CD48: variants seen among roughly 807,000 people sequenced by gnomAD.
CD48 encodes the protein CD48 antigen.
A neutral mutation model predicts 22.0 loss-of-function variants in CD48; 20 were observed. That is an observed-to-expected ratio of 0.91 (90% confidence interval 0.64 to 1.32). The LOEUF (loss-of-function observed/expected upper bound fraction) is 1.32, where lower values mean the gene tolerates loss of function less well. Among genes scored for constraint, CD48 ranks in the 40% most tolerant of loss-of-function variants. The pLI, the probability that CD48 is intolerant of heterozygous loss-of-function variation, is 0.00. For synonymous variants in CD48, 110 were observed against 110.1 expected (o/e 1.00, Z 0.01); for missense variants, 307 against 286.5 (o/e 1.07, Z -0.52).
Position 160,684,893 on chromosome 1 carries a change from C to G in CD48, c.379G>C (p.Val127Leu). 1 of 1,614,180 alleles carries G rather than the reference C, an allele frequency of 6.2e-7. No individual in the cohort carries two copies. The highest frequency in any genetic ancestry group is 2.2e-5 in the East Asian group (1 of 44,876). The part of the protein sequence containing the change: ...NEQEWKIKLQ[V>L]LDPVPKPVIK... ...TTTGGCTCCCCTGACTCACCAAGCACTTGCAGCTTGATCTTCCATTCTTGC... is the reference window on the plus strand; with the variant it reads ...TTTGGCTCCCCTGACTCACCAAGCAGTTGCAGCTTGATCTTCCATTCTTGC... Residue 127 changes from valine (V) to leucine (L), a missense_variant, in exon 2 of 4, where the codon GTG becomes CTG. Coordinates refer to ENST00000368046, the MANE Select transcript of CD48 (RefSeq NM_001778.4).
intron 3 of CD48, among the ~76,000 whole-genome samples, chr1:160,679,410 C>T (rs571091674): frequency 1.3e-5 from 2 of 152,260 alleles, no homozygotes; most frequent in South Asian, 4.1e-4. Context: ...GCATTGCTCC[C>T]CTACTCTGGA....
chr1:160,703,858 G>T (rs191105169), intron 1 of CD48, among the ~76,000 whole-genome samples: 6 of 152,198 alleles, frequency 3.9e-5, no homozygotes, highest in African/African-American at 1.4e-4. Context: ...AGGCCCTGGG[G>T]CAGGGATTTG....
In CD48 at chr1:160,679,076, G is replaced by C. The variant is rs1269282561; in HGVS notation, c.708C>G (p.Thr236=). ...CTCAGGTAAGTAACAGGCCAAGAAT[G>C]GTGGGCACCGTGACCACTAGCCAAC... ...IASWLVVTVP[T]ILGLLLT Residue 236 remains threonine, a synonymous_variant, in exon 4 of 4, where the codon ACC becomes ACG. Transcript: ENST00000368046. 6.2e-7 allele frequency: 1 copy of C among 1,613,856 alleles called. No homozygotes were observed. The highest frequency in any genetic ancestry group is 1.3e-5 in the African/African-American group (1 of 74,892).
At chr1:160,691,495 CGT>C (rs1166106691) in intron 1 of CD48, among the ~76,000 whole-genome samples, 1 of 152,144 alleles carries the variant, frequency 6.6e-6, no homozygotes, top group Non-Finnish European at 1.5e-5. Context: ...CCTTTGTTCA[CGT>C]GTTTGTCTGC....
intron 1 of CD48, among the ~76,000 whole-genome samples, chr1:160,705,118 A>G (rs1193179809): frequency 6.6e-6 from 1 of 152,194 alleles, no homozygotes; most frequent in Non-Finnish European, 1.5e-5. Context: ...TTCCAAAAAC[A>G]TTCTCAACCA....
intron 1 of CD48, among the ~76,000 whole-genome samples, chr1:160,704,005 G>A (rs1451316942): frequency 1.3e-5 from 2 of 152,074 alleles, no homozygotes; most frequent in Non-Finnish European, 2.9e-5. Context: ...TATTAATAAT[G>A]TCTTGTCCTG....
At chr1:160,701,042 C>T (rs1032431350) in intron 1 of CD48, among the ~76,000 whole-genome samples, 16 of 151,890 alleles carry the variant, frequency 1.1e-4, no homozygotes, top group African/African-American at 3.9e-4. Context: ...CAACATAAAG[C>T]TGGCAGATTG....
chr1:160,695,848 G>T (rs1375279102), intron 1 of CD48, among the ~76,000 whole-genome samples: 1 of 151,992 alleles, frequency 6.6e-6, no homozygotes, highest in Non-Finnish European at 1.5e-5. Flanking sequence ...ATTGTACTTG[G>T]ATCAAATAGC....
intron 2 of CD48, among the ~76,000 whole-genome samples, chr1:160,683,111 T>C (rs2102404827): frequency 6.6e-6 from 1 of 152,314 alleles, no homozygotes; most frequent in South Asian, 2.1e-4. Context: ...TTTCCTGGAC[T>C]TCCCCTATAT....
chr1:160,707,638 CT>C (rs1344318970), intron 1 of CD48, among the ~76,000 whole-genome samples: 3 of 152,124 alleles, frequency 2.0e-5, no homozygotes, highest in Non-Finnish European at 4.4e-5. Context: ...GAGGCACATG[CT>C]TTGCTGAGAG....
chr1:160,711,740 C>T lies in CD48; in HGVS notation c.24G>A (p.Ser8=), dbSNP rs775298206. MCSRGWD[S]CLALELLLLP... is the part of the protein sequence containing the mutation. ...GCAGTAGCAATTCCAGAGCCAGACA[C>T]GAATCCCAACCTCTGGAGCACATGC... is the stretch of plus-strand genomic sequence containing the variant. Residue 8 remains serine, a synonymous_variant, in exon 1 of 4, where the codon TCG becomes TCA. Transcript: ENST00000368046. 1.9e-5 allele frequency: 31 copies of T among 1,613,468 alleles called. No homozygotes were observed. The East Asian group carries it at 4.0e-4, about 21-fold the overall frequency.
intron 1 of CD48, among the ~76,000 whole-genome samples, chr1:160,706,453 T>C (rs552106500): frequency 6.6e-6 from 1 of 152,278 alleles, no homozygotes; most frequent in South Asian, 2.1e-4. Flanking sequence ...TAACCACCCA[T>C]GTGTAACAAT....
intron 2 of CD48, chr1:160,684,602 G>A (rs1051391331): frequency 2.1e-6 from 2 of 933,722 alleles, no homozygotes; most frequent in Non-Finnish European, 3.1e-6. Flanking sequence ...GTTGATCACA[G>A]GACAAAATGA....
At chr1:160,702,773 C>CA (rs1662675022) in intron 1 of CD48, among the ~76,000 whole-genome samples, 1 of 152,154 alleles carries the variant, frequency 6.6e-6, no homozygotes, top group South Asian at 2.1e-4. Context: ...CCAATGCCTT[C>CA]ACAAGCTTTA....
chr1:160,682,481 G>A (rs1486847371), intron 2 of CD48, among the ~76,000 whole-genome samples: 1 of 114,936 alleles, frequency 8.7e-6, no homozygotes, highest in Admixed American at 1.0e-4. Context: ...AAAGAAGAAA[G>A]AAAGGAAGAA....
chr1:160,680,855 C>T, intron 3 of CD48: 1 of 1,329,984 alleles, frequency 7.5e-7, no homozygotes, highest in Non-Finnish European at 9.6e-7. Context: ...CCCACTTGCC[C>T]TTCCTTCTCC....
At chr1:160,688,922 C>T (rs1027319357) in intron 1 of CD48, among the ~76,000 whole-genome samples, 1 of 152,096 alleles carries the variant, frequency 6.6e-6, no homozygotes, top group Non-Finnish European at 1.5e-5. Context: ...TATTACTAAA[C>T]CATATGAGTC....
At chr1:160,692,123 C>A (rs1197738174) in intron 1 of CD48, 2 of 153,214 alleles carry the variant, frequency 1.3e-5, no homozygotes, top group Admixed American at 1.3e-4. Flanking sequence ...AATATCATTC[C>A]ACTTACAGTA....
chr1:160,681,202 C>G lies in CD48; in HGVS notation c.652G>C (p.Ala218Pro), dbSNP rs778199720. The change falls in exon 3 of 4, where the codon GCC becomes CCC. Residue 218 changes from alanine to proline, a missense_variant and splice_region_variant. Coordinates refer to ENST00000368046, the MANE Select transcript of CD48 (RefSeq NM_001778.4). ...CTCAGCTCCCAGGGATCCTTCTTAC[C>G]CAGGGTACAGGGTGGACTGAGGCAG... ...TVCLSPPCTL[A>P]RSFGVEWIAS... is the part of the protein sequence containing the mutation. The G allele has an allele frequency of 6.2e-7, 1 of 1,614,120 alleles. No homozygotes were observed.
Sources: gnomAD v4.1 joint callset for allele counts (sites outside exome capture counted in the v4.1 genomes callset) on GRCh38, gnomAD v4.1.1 for gene constraint, MANE v1.5 for transcripts, NCBI Gene and HGNC (gene_info 2026-07-23, HGNC 2026-07-21) for gene names.